Variants in TANC1 observed in about 807,000 individuals in gnomAD.
TANC1 encodes the protein protein TANC1.
A neutral mutation model predicts 149.7 loss-of-function variants in TANC1; 77 were observed. The ratio of observed to expected loss-of-function variants is 0.51; its 90% CI spans 0.43 to 0.62. The LOEUF is 0.62. Ranked by LOEUF, TANC1 falls within the 20% of genes least tolerant of loss-of-function variation. TANC1 has a pLI of 0.00. For missense variants in TANC1, 1,985 were observed against 2,321.8 expected (o/e 0.85, Z 2.98); for synonymous variants, 854 against 925.0 (o/e 0.92, Z 1.39).
At chr2:159,105,393 A>G (rs541262148) in intron 4 of TANC1, among the ~76,000 whole-genome samples, 2 of 152,276 alleles carry the variant, frequency 1.3e-5, no homozygotes, top group South Asian at 4.1e-4. Flanking sequence ...AACAAAATTG[A>G]CCATCTTAAC....
At chr2:159,217,419 G>T in intron 19 of TANC1, 78 bp from the exon 20 acceptor site, 3 of 1,581,210 alleles carry the variant, frequency 1.9e-6, no homozygotes, top group Non-Finnish European at 2.6e-6. Flanking sequence ...CACTGGGGGA[G>T]AGAACTGTTA....
At chr2:159,172,326 G>T in intron 11 of TANC1, 54 bp downstream of exon 11, 1 of 1,570,004 alleles carries the variant, frequency 6.4e-7, no homozygotes, top group Non-Finnish European at 8.7e-7. Context: ...TGCTGGTTTG[G>T]TTTCTGAGAA....
chr2:159,085,008 A>G (rs928401061), intron 3 of TANC1, among the ~76,000 whole-genome samples: 1 of 152,176 alleles, frequency 6.6e-6, no homozygotes, highest in Non-Finnish European at 1.5e-5. Context: ...GTGTCATTTT[A>G]AATGGAATGG....
At chr2:159,153,879 GAGTAA>G (rs978855856) in intron 7 of TANC1, among the ~76,000 whole-genome samples, 2 of 152,172 alleles carry the variant, frequency 1.3e-5, no homozygotes, top group African/African-American at 4.8e-5. Context: ...GTGTTTCACA[GAGTAA>G]AGTATTCAAG....
intron 1 of TANC1, among the ~76,000 whole-genome samples, chr2:158,998,434 A>C (rs1289849529): frequency 1.3e-5 from 2 of 152,140 alleles, no homozygotes; most frequent in Non-Finnish European, 2.9e-5. Flanking sequence ...CCCTACCCCC[A>C]ACAAAAATTT....
At chr2:159,227,181 C>T (rs1351043020) in intron 24 of TANC1, 3 of 151,792 alleles carry the variant, frequency 2.0e-5, no homozygotes, top group African/African-American at 7.3e-5. Context: ...ATTGTTGTGG[C>T]TTTGAAGTGC....
chr2:158,975,044 C>G (rs1011328687), intron 1 of TANC1, among the ~76,000 whole-genome samples: 1 of 151,878 alleles, frequency 6.6e-6, no homozygotes, highest in Non-Finnish European at 1.5e-5. Flanking sequence ...AGCCAACCCC[C>G]CAGTCCTCCT....
intron 3 of TANC1, among the ~76,000 whole-genome samples, chr2:159,067,411 A>C (rs2042767320): frequency 1.3e-5 from 2 of 152,206 alleles, no homozygotes; most frequent in Non-Finnish European, 1.5e-5. Flanking sequence ...CCTAAACAGG[A>C]GACCATAGTT....
At position 159,167,889 on chromosome 2, in the gene TANC1, G is replaced by A. The variant is rs138940731; in HGVS notation, c.947-1361G>A. 1.2e-3 allele frequency among the ~76,000 whole-genome samples: 177 copies of A among 152,314 alleles called. 1 individual carries two copies. The highest frequency in any genetic ancestry group is 4.2e-3 in the African/African-American group (173 of 41,574). ...GGATGGCACTGGTCGGCAGCTGGATGCTGGGTCAGAGCCTGTTGGGCAGCC... is the reference window on the plus strand; with the variant it reads ...GGATGGCACTGGTCGGCAGCTGGATACTGGGTCAGAGCCTGTTGGGCAGCC... On this transcript the variant is annotated intron_variant, in intron 8 of 26. Transcript: ENST00000263635.
intron 2 of TANC1, among the ~76,000 whole-genome samples, chr2:159,014,367 AGTAT>A (rs2038060096): frequency 6.6e-6 from 1 of 152,228 alleles, no homozygotes; most frequent in South Asian, 2.1e-4. Context: ...CCATGAGAAC[AGTAT>A]GGGGGAAACT....
intron 2 of TANC1, among the ~76,000 whole-genome samples, chr2:159,044,869 C>T (rs748932915): frequency 6.6e-6 from 1 of 152,194 alleles, no homozygotes; most frequent in Non-Finnish European, 1.5e-5. Flanking sequence ...TGTGACTTGC[C>T]AGCAGGATTT....
intron 2 of TANC1, among the ~76,000 whole-genome samples, chr2:159,039,091 G>C (rs557452486): frequency 6.6e-6 from 1 of 152,086 alleles, no homozygotes; most frequent in African/African-American, 2.4e-5. Flanking sequence ...GAGTGTGTGC[G>C]TCCAGGAACT....
intron 3 of TANC1, among the ~76,000 whole-genome samples, chr2:159,069,737 T>C (rs931163155): frequency 3.3e-5 from 5 of 151,522 alleles, no homozygotes; most frequent in African/African-American, 1.2e-4. Context: ...ACAAAAACTT[T>C]ATCAACCTAA....
intron 1 of TANC1, among the ~76,000 whole-genome samples, chr2:158,970,865 T>C (rs1375063931): frequency 6.6e-6 from 1 of 152,228 alleles, no homozygotes; most frequent in Non-Finnish European, 1.5e-5. Context: ...AACTTAACTT[T>C]TTGGCACCAA....
At chr2:159,133,385 T>A (rs2150179171) in intron 4 of TANC1, among the ~76,000 whole-genome samples, 1 of 151,362 alleles carries the variant, frequency 6.6e-6, no homozygotes, top group East Asian at 1.9e-4. Context: ...GACAGGGTCT[T>A]GCTCTGTCAC....
chr2:159,130,136 G>A (rs1054858821), intron 4 of TANC1, among the ~76,000 whole-genome samples: 28 of 149,714 alleles, frequency 1.9e-4, no homozygotes, highest in Non-Finnish European at 1.2e-4. Flanking sequence ...CCTTGTTCTC[G>A]TTGTTGTTGT....
intron 19 of TANC1, among the ~76,000 whole-genome samples, chr2:159,207,035 T>C (rs1348785754): frequency 6.6e-6 from 1 of 152,258 alleles, no homozygotes; most frequent in East Asian, 1.9e-4. Context: ...AAATTATTTT[T>C]AAATTGAGGT....
rs575112920 is a variant in TANC1 at position 159,107,258 on chromosome 2, A to G, written c.259+9424A>G. Among the ~76,000 whole-genome samples, 6 of 152,176 alleles carry G rather than the reference A, an allele frequency of 3.9e-5. No individual in the cohort carries two copies. The South Asian group carries it at 8.3e-4, about 21-fold the overall frequency. ...GCCAGGCTGGTCTCGAACTCCAGAC[A>G]TCAGGTGATTCACCTGCCTCAGCTT... On this transcript the variant is annotated intron_variant, in intron 4 of 26. Transcript: ENST00000263635.
intron 3 of TANC1, among the ~76,000 whole-genome samples, chr2:159,072,216 A>G (rs960750305): frequency 4.8e-4 from 73 of 152,344 alleles, no homozygotes; most frequent in African/African-American, 1.6e-3. Flanking sequence ...TCCTAACCTC[A>G]GGTGATCTGC....
Sources: allele counts gnomAD v4.1 joint callset (sites outside exome capture counted in the v4.1 genomes callset), GRCh38; gene constraint gnomAD v4.1.1; transcripts MANE v1.5; gene names NCBI Gene and HGNC (gene_info 2026-07-23, HGNC 2026-07-21).